The following SLC43A1 variants were observed in gnomAD, a reference collection of about 807,000 sequenced individuals.
SLC43A1 encodes large neutral amino acids transporter small subunit 3.
Under a neutral mutation model 59.5 loss-of-function variants are expected in SLC43A1, and 31 were observed. The ratio of observed to expected loss-of-function variants is 0.52; its 90% confidence interval spans 0.39 to 0.70. SLC43A1 has a LOEUF of 0.70. Ranked by LOEUF, SLC43A1 falls within the 30% of genes least tolerant of loss-of-function variation. The pLI is 0.00. For missense variants in SLC43A1, 598 were observed against 717.8 expected, an observed-to-expected ratio of 0.83 and a Z score of 1.91; for synonymous variants, 259 against 290.9, an observed-to-expected ratio of 0.89 and a Z score of 1.12.
In SLC43A1 at chr11:57,489,256, G is replaced by A; in HGVS notation, c.1330C>T (p.Leu444Phe). Residue 444 changes from leucine (L) to phenylalanine (F), a missense_variant, in exon 12 of 15, where the codon CTC (leucine) becomes TTC (phenylalanine). Physicochemically the swap from Leu to Phe is conservative, Grantham distance 22 (BLOSUM62 0). Coordinates refer to ENST00000278426, the MANE Select transcript of SLC43A1 (RefSeq NM_003627.6). ...GITCLINNLHLQFVTFVLHTI... is the reference protein window; with the variant it reads ...GITCLINNLHFQFVTFVLHTI... ...GGAAGGATGAAGGTGGGTACCTGGA[G>A]GTGTAAGTTGTTGATGAGACAGGTG... 2 of 1,614,218 alleles carry A rather than the reference G, an allele frequency of 1.2e-6. No individual in the cohort carries two copies. Among genetic ancestry groups the A allele is most frequent in the East Asian group, 4.5e-5 (2 of 44,878 alleles).
Position 57,484,642 on chromosome 11 carries a change from A to C in SLC43A1, c.*454T>G, listed in dbSNP as rs1943676631. 6.5e-6 allele frequency: 1 copy of C among 153,274 alleles called. No homozygotes were observed. The highest frequency in any genetic ancestry group is 6.5e-5 in the Admixed American group (1 of 15,404). 9.5% of individuals were successfully genotyped at this position (153,274 alleles called of 1,614,324 possible). On this transcript the variant is annotated 3_prime_UTR_variant, in exon 15 of 15. Coordinates refer to ENST00000278426, the MANE Select transcript of SLC43A1 (RefSeq NM_003627.6). ...GCCGACCCCCAACCCCTAACCCAGG[A>C]CACAGCTGGCACCTCAGGCCCCTTT...
intron 2 of SLC43A1, among the ~76,000 whole-genome samples, chr11:57,513,661 C>T (rs1944609232): frequency 6.6e-6 from 1 of 152,212 alleles, no homozygotes; most frequent in Admixed American, 6.5e-5. Context: ...TCTCCCAGCA[C>T]GTCTCCTTCA....
At chr11:57,512,653 C>T (rs1944578703) in intron 2 of SLC43A1, among the ~76,000 whole-genome samples, 1 of 152,016 alleles carries the variant, frequency 6.6e-6, no homozygotes, top group Non-Finnish European at 1.5e-5. Flanking sequence ...CATGTGGGTC[C>T]CTAATAGCCC....
At chr11:57,493,176 C>T (rs2135164629) in intron 8 of SLC43A1, among the ~76,000 whole-genome samples, 1 of 152,320 alleles carries the variant, frequency 6.6e-6, no homozygotes, top group South Asian at 2.1e-4. Context: ...GAGGAAACTG[C>T]AGCTCAGGAA....
At chr11:57,500,518 G>C (rs1191007241) in intron 5 of SLC43A1, among the ~76,000 whole-genome samples, 2 of 152,164 alleles carry the variant, frequency 1.3e-5, no homozygotes, top group Admixed American at 1.3e-4. Flanking sequence ...ACCTAGAACA[G>C]AGCTCCATGG....
chr11:57,484,972 G>T lies in SLC43A1; in HGVS notation c.*124C>A. 8.6e-7 allele frequency: 1 copy of T among 1,162,838 alleles called. No individual in the cohort carries two copies. Among genetic ancestry groups the T allele is most frequent in the Non-Finnish European group, 1.2e-6 (1 of 857,654 alleles). The allele number at this position is 1,162,838 out of a possible 1,614,324, so 72.0% of individuals were successfully genotyped here. ...TCTTTACAAAAATAGAACTTCTCTT[G>T]GTATTTATAAATCTACGGCCATGGC... is the stretch of plus-strand genomic sequence containing the variant. On this transcript the variant is annotated 3_prime_UTR_variant, in exon 15 of 15. Coordinates refer to ENST00000278426, the MANE Select transcript of SLC43A1 (RefSeq NM_003627.6).
chr11:57,492,534 GTGTATATATATA>G (rs1292471650), intron 8 of SLC43A1, among the ~76,000 whole-genome samples: 5 of 63,434 alleles, frequency 7.9e-5, no homozygotes, highest in African/African-American at 3.5e-4. Flanking sequence ...ATATAATTTT[GTGTATATATATA>G]TATATATATA....
In SLC43A1 at chr11:57,501,011, G is replaced by A; in HGVS notation, c.365C>T (p.Ala122Val). The A allele has an allele frequency of 6.2e-7, 1 of 1,601,432 alleles. No individual in the cohort carries two copies. The highest frequency in any genetic ancestry group is 8.5e-7 in the Non-Finnish European group (1 of 1,173,814). The change falls in exon 4 of 15, where the codon GCC becomes GTC. Residue 122 changes from alanine to valine, a missense_variant. Coordinates refer to ENST00000278426, the MANE Select transcript of SLC43A1 (RefSeq NM_003627.6). ...ACCTTCCACGTCCCGGGAGGCCAGG[G>A]CCATGAGGGTGCAGGACGCAGTGAA... ...ACFTASCTLM[A>V]LASRDVEALS...
intron 6 of SLC43A1, 79 bp downstream of exon 6, chr11:57,497,674 G>T: frequency 3.9e-6 from 4 of 1,037,442 alleles, no homozygotes; most frequent in Non-Finnish European, 4.4e-6. Flanking sequence ...CAGACCCGTG[G>T]GTCAGCACTA....
At chr11:57,502,104 C>A (rs1309866949) in intron 2 of SLC43A1, among the ~76,000 whole-genome samples, 1 of 152,208 alleles carries the variant, frequency 6.6e-6, no homozygotes, top group African/African-American at 2.4e-5. Flanking sequence ...AAACTGCCAA[C>A]TTGGAGTTGT....
chr11:57,503,893 T>C (rs1944329558), intron 2 of SLC43A1, among the ~76,000 whole-genome samples: 1 of 152,308 alleles, frequency 6.6e-6, no homozygotes, highest in Non-Finnish European at 1.5e-5. Context: ...CTTGCTTCTC[T>C]TTAAAAAGTT....
intron 5 of SLC43A1, 35 bp downstream of exon 5, chr11:57,500,744 G>T: frequency 6.2e-7 from 1 of 1,602,720 alleles, no homozygotes; most frequent in South Asian, 1.1e-5. Context: ...CCACTCGGGG[G>T]AACTCTGCTG....
At position 57,515,144 on chromosome 11, in the gene SLC43A1, G is replaced by C. The variant is rs535389306; in HGVS notation, c.-14+300C>G. ...GACTCGGTATTCTCATCTGTGAAACGGGGCTTTGGGTTCAAGCGCTCCAGG... is the reference window on the plus strand; with the variant it reads ...GACTCGGTATTCTCATCTGTGAAACCGGGCTTTGGGTTCAAGCGCTCCAGG... On this transcript the variant is annotated intron_variant, in intron 1 of 14. Coordinates refer to ENST00000278426, the MANE Select transcript of SLC43A1 (RefSeq NM_003627.6). The surrounding 1 kb of genome is among the most constrained non-coding windows in gnomAD (Gnocchi z 5.3). 5 of 900,300 alleles carry C rather than the reference G, an allele frequency of 5.6e-6. No individual in the cohort carries two copies. The highest frequency in any genetic ancestry group is 5.3e-6 in the Non-Finnish European group (4 of 752,438). 55.8% of individuals were successfully genotyped at this position (900,300 alleles called of 1,614,324 possible).
At chr11:57,507,726 C>G (rs1944424385) in intron 2 of SLC43A1, among the ~76,000 whole-genome samples, 1 of 152,136 alleles carries the variant, frequency 6.6e-6, no homozygotes, top group East Asian at 1.9e-4. Flanking sequence ...ATCATTTGAT[C>G]CTTAAATCAT....
At chr11:57,511,175 A>T (rs575003779) in intron 2 of SLC43A1, among the ~76,000 whole-genome samples, 2 of 150,752 alleles carry the variant, frequency 1.3e-5, no homozygotes, top group South Asian at 4.2e-4. Context: ...TATAATCCCA[A>T]CACTTTGGGA....
intron 6 of SLC43A1, among the ~76,000 whole-genome samples, chr11:57,497,151 G>A (rs1379418716): frequency 1.3e-5 from 2 of 152,130 alleles, no homozygotes; most frequent in African/African-American, 2.4e-5. Flanking sequence ...AGTGCAAAAC[G>A]GTATGCAGTT....
chr11:57,501,475 G>C, intron 2 of SLC43A1, 146 bp from the exon 3 acceptor site: 1 of 741,710 alleles, frequency 1.3e-6, no homozygotes. Flanking sequence ...CTCTGATGGG[G>C]CTGCTCCAGA....
At position 57,503,379 on chromosome 11, in the gene SLC43A1, A is replaced by G. The variant is rs185005713; in HGVS notation, c.155-2050T>C. 5.0e-5 allele frequency among the ~76,000 whole-genome samples: 7 copies of G among 141,000 alleles called. No homozygotes were observed. The East Asian group carries it at 1.1e-3, about 21-fold the overall frequency. The allele number at this position is 141,000 out of a possible 152,430, so 92.5% of individuals were successfully genotyped here. On this transcript the variant is annotated intron_variant, in intron 2 of 14. Coordinates refer to ENST00000278426, the MANE Select transcript of SLC43A1 (RefSeq NM_003627.6). ...CAGTGGTGCAATTATAGCTCACTGC[A>G]CCTTTGACTTCCCAGCTCACTGTAG...
chr11:57,507,541 G>A (rs1177225206), intron 2 of SLC43A1, among the ~76,000 whole-genome samples: 1 of 152,208 alleles, frequency 6.6e-6, no homozygotes, highest in Non-Finnish European at 1.5e-5. Flanking sequence ...TACTTAGGGG[G>A]ATGAGACATG....
Sources: gnomAD v4.1 joint callset for allele counts (sites outside exome capture counted in the v4.1 genomes callset) on GRCh38, gnomAD v4.1.1 for gene constraint, Gnocchi (gnomAD v3.1) non-coding constraint, MANE v1.5 for transcripts, NCBI Gene and HGNC (gene_info 2026-07-23, HGNC 2026-07-21) for gene names.